Variants in JAZF1 observed in about 807,000 individuals in gnomAD.
JAZF1 encodes the protein juxtaposed with another zinc finger protein 1.
A neutral mutation model predicts 26.4 loss-of-function variants in JAZF1; 8 were observed. The ratio of observed to expected loss-of-function variants is 0.30; its 90% CI spans 0.18 to 0.55. The LOEUF (loss-of-function observed/expected upper bound fraction) is 0.55, where lower values mean the gene tolerates loss of function less well. JAZF1 is among the 20% of genes least tolerant of loss of function. The pLI, the probability that JAZF1 is intolerant of heterozygous loss-of-function variation, is 0.94. For missense variants in JAZF1, 199 were observed against 322.0 expected (o/e 0.62, Z 2.92); for synonymous variants, 126 against 122.3 (o/e 1.03, Z -0.20).
At chr7:27,894,555 G>A (rs535347411) in intron 3 of JAZF1, among the ~76,000 whole-genome samples, 4 of 152,332 alleles carry the variant, frequency 2.6e-5, no homozygotes, top group Non-Finnish European at 4.4e-5. Flanking sequence ...TGAGAGTGCT[G>A]GAGTAGTGCA....
chr7:27,931,495 G>A (rs1211300265), intron 2 of JAZF1, among the ~76,000 whole-genome samples: 2 of 152,216 alleles, frequency 1.3e-5, no homozygotes, highest in African/African-American at 4.8e-5. Context: ...GCACAGCAAT[G>A]TGTGTGTTTG....
intron 2 of JAZF1, among the ~76,000 whole-genome samples, chr7:27,940,493 G>T (rs772902257): frequency 1.3e-5 from 2 of 152,250 alleles, no homozygotes; most frequent in East Asian, 3.9e-4. Context: ...CAGTCAGCCC[G>T]CATGGTTTCA....
At chr7:27,853,099 A>T (rs1464685833) in intron 3 of JAZF1, among the ~76,000 whole-genome samples, 2 of 151,914 alleles carry the variant, frequency 1.3e-5, no homozygotes, top group Non-Finnish European at 2.9e-5. Context: ...TTACCTCCCC[A>T]TTTCTAAATA....
At position 27,999,267 on chromosome 7, in the gene JAZF1, A is replaced by G. The variant is rs143594597; in HGVS notation, c.116-7286T>C. ...TGGGACCAAGTTAATTTGTGTGCAC[A>G]CACAAATAAATATACATGCCTGCTT... On this transcript the variant is annotated intron_variant, in intron 1 of 4. Coordinates refer to ENST00000283928, the MANE Select transcript of JAZF1 (RefSeq NM_175061.4). Among the ~76,000 whole-genome samples, 781 of 152,302 alleles carry G rather than the reference A, an allele frequency of 5.1e-3. 3 individuals carry two copies. The highest frequency in any genetic ancestry group is 8.3e-3 in the Non-Finnish European group (564 of 68,026).
At chr7:27,951,919 T>C (rs1043806406) in intron 2 of JAZF1, among the ~76,000 whole-genome samples, 3 of 152,178 alleles carry the variant, frequency 2.0e-5, no homozygotes, top group Admixed American at 6.5e-5. Flanking sequence ...ACAGGTTCTG[T>C]CTCCTTTCAT....
intron 1 of JAZF1, among the ~76,000 whole-genome samples, chr7:28,120,810 T>G (rs1782590758): frequency 6.6e-6 from 1 of 152,080 alleles, no homozygotes. Flanking sequence ...TCCGTGCACT[T>G]GCTTGGGACC....
chr7:27,845,526 G>A (rs189635783), intron 3 of JAZF1, among the ~76,000 whole-genome samples: 1,864 of 151,866 alleles, frequency 0.012, 10 homozygotes, highest in Admixed American at 0.02. Flanking sequence ...GTGAAACCCC[G>A]TCTCTACTAA....
intron 1 of JAZF1, among the ~76,000 whole-genome samples, chr7:28,056,435 T>TAC (rs3073772): frequency 0.041 from 3,992 of 98,148 alleles, 146 homozygotes; most frequent in East Asian, 0.2. Flanking sequence ...TTTCAACAAC[T>TAC]ACACACACAC....
At chr7:28,130,204 T>C (rs997165668) in intron 1 of JAZF1, among the ~76,000 whole-genome samples, 5 of 152,180 alleles carry the variant, frequency 3.3e-5, no homozygotes, top group Admixed American at 3.3e-4. Flanking sequence ...ATCTACAATA[T>C]ATTCATACAA....
rs576551959 is a variant in JAZF1 at position 28,180,673 on chromosome 7, G to C, written c.-96C>G. On this transcript the variant is annotated 5_prime_UTR_variant, in exon 1 of 5. Coordinates refer to ENST00000283928, the MANE Select transcript of JAZF1 (RefSeq NM_175061.4). ...GGGTGGGGTGAGGAGAGGAGGGGCTGGGGGAGGGGGAGAGAGGCGGGGTGA... is the reference window on the plus strand; with the variant it reads ...GGGTGGGGTGAGGAGAGGAGGGGCTCGGGGAGGGGGAGAGAGGCGGGGTGA... 1.4e-6 allele frequency: 1 copy of C among 706,034 alleles called. No individual in the cohort carries two copies. The highest frequency in any genetic ancestry group is 2.4e-6 in the Non-Finnish European group (1 of 419,684). 43.7% of individuals were successfully genotyped at this position (706,034 alleles called of 1,614,324 possible). A position where few individuals can be genotyped will look rare whatever the true frequency, so the allele number is the denominator to read the frequency against.
chr7:28,001,104 A>G (rs1786148635), intron 1 of JAZF1, among the ~76,000 whole-genome samples: 1 of 151,960 alleles, frequency 6.6e-6, no homozygotes, highest in Non-Finnish European at 1.5e-5. Context: ...CTGTAATCCT[A>G]GCACTTTGGG....
intron 1 of JAZF1, chr7:28,020,786 C>T (rs1782994392): frequency 2.3e-6 from 1 of 434,374 alleles, no homozygotes. Context: ...TTCTCCAGCA[C>T]CCAAGGCTTC....
At chr7:28,101,338 T>C (rs1784468617) in intron 1 of JAZF1, among the ~76,000 whole-genome samples, 2 of 152,178 alleles carry the variant, frequency 1.3e-5, no homozygotes, top group Non-Finnish European at 2.9e-5. Flanking sequence ...CAACGTGTTA[T>C]ATATTATTAC....
At chr7:27,867,267 C>G (rs994398621) in intron 3 of JAZF1, among the ~76,000 whole-genome samples, 2 of 152,136 alleles carry the variant, frequency 1.3e-5, no homozygotes, top group African/African-American at 4.8e-5. Context: ...GGTCTGCCAG[C>G]CAAAACCAGT....
At chr7:27,843,487 C>G (rs1782961218) in intron 3 of JAZF1, 1 of 152,192 alleles carries the variant, frequency 6.6e-6, no homozygotes, top group Non-Finnish European at 1.5e-5. Flanking sequence ...GTAAGCAATG[C>G]CATCTTTGTA....
At chr7:27,853,241 A>G (rs1047511696) in intron 3 of JAZF1, among the ~76,000 whole-genome samples, 1 of 152,172 alleles carries the variant, frequency 6.6e-6, no homozygotes, top group Non-Finnish European at 1.5e-5. Context: ...GAAGAATTTC[A>G]TTATATTACA....
chr7:27,979,243 C>T (rs1188298383), intron 2 of JAZF1, among the ~76,000 whole-genome samples: 1 of 151,486 alleles, frequency 6.6e-6, no homozygotes, highest in East Asian at 1.9e-4. Flanking sequence ...ACATCTTATA[C>T]TAAATGCTAT....
In JAZF1 at chr7:27,975,110, C is replaced by G. The variant is rs560653022; in HGVS notation, c.188+16799G>C. Among the ~76,000 whole-genome samples, 103 of 152,182 alleles carry G rather than the reference C, an allele frequency of 6.8e-4. 2 individuals are homozygous for G. Among genetic ancestry groups the G allele is most frequent in the Middle Eastern group, 3.4e-3 (1 of 294 alleles). ...CCATGTTAGCCAGGATGGTTTCGAT[C>G]TTCTAACCTCATGATTCACCTGCCT... On this transcript the variant is annotated intron_variant, in intron 2 of 4. Transcript: ENST00000283928.
chr7:27,896,651 GT>G (rs1401118236), intron 2 of JAZF1, among the ~76,000 whole-genome samples: 1 of 152,172 alleles, frequency 6.6e-6, no homozygotes, highest in Admixed American at 6.5e-5. Context: ...ACACAATGAA[GT>G]TTTGGAAGTC....
Sources: allele counts gnomAD v4.1 joint callset (sites outside exome capture counted in the v4.1 genomes callset), GRCh38; gene constraint gnomAD v4.1.1; transcripts MANE v1.5; gene names NCBI Gene and HGNC (gene_info 2026-07-23, HGNC 2026-07-21).